Variants in RNF17 observed in about 807,000 individuals in gnomAD.
The protein encoded by RNF17 is spermatogenesis associated 23.
A neutral mutation model predicts 200.5 loss-of-function variants in RNF17; 31 were observed. The observed-to-expected ratio is 0.15, with a 90% CI of 0.12 to 0.21. The LOEUF (loss-of-function observed/expected upper bound fraction) is 0.21, where lower values mean the gene tolerates loss of function less well. RNF17 is among the 10% of genes least tolerant of loss of function. RNF17 has a pLI of 1.00. For missense variants in RNF17, 1,628 were observed against 1,905.1 expected, an observed-to-expected ratio of 0.85 and a Z score of 2.71; for synonymous variants, 606 against 637.8, an observed-to-expected ratio of 0.95 and a Z score of 0.75.
rs759684751 is a variant in RNF17, at chr13:24,861,386, C to T, written c.3893C>T (p.Pro1298Leu). 4 of 1,518,890 alleles carry T rather than the reference C, an allele frequency of 2.6e-6. No homozygotes were observed. The highest frequency in any genetic ancestry group is 1.3e-5 in the South Asian group (1 of 77,478). The allele number at this position is 1,518,890 out of a possible 1,614,324, so 94.1% of individuals were successfully genotyped here. ...CIPCQLHNTT[P>L]VGNVWQPDAI... ...CCTTGTCAGCTCCATAATACCACAC[C>T]TGTGAGTACATAATAATTTGTGGAA... The change falls in exon 27 of 36, where the codon CCT (proline) becomes CTT (leucine). Residue 1298 changes from proline to leucine, a missense_variant and splice_region_variant. Coordinates refer to ENST00000255324, the MANE Select transcript of RNF17 (RefSeq NM_031277.3).
intron 16 of RNF17, among the ~76,000 whole-genome samples, chr13:24,826,970 G>A (rs1281865902): frequency 6.6e-6 from 1 of 152,042 alleles, no homozygotes; most frequent in South Asian, 2.1e-4. Context: ...TGAGGCAGGA[G>A]AATCACTTGA....
chr13:24,851,038 A>T (rs1257263086), intron 23 of RNF17, among the ~76,000 whole-genome samples: 1 of 152,096 alleles, frequency 6.6e-6, no homozygotes, highest in Non-Finnish European at 1.5e-5. Flanking sequence ...CTTGTGGCCC[A>T]GGCTGGAGTG....
At chr13:24,856,368 C>G (rs1008409533) in intron 25 of RNF17, among the ~76,000 whole-genome samples, 2 of 136,282 alleles carry the variant, frequency 1.5e-5, no homozygotes, top group African/African-American at 5.5e-5. Context: ...TGCCGTGAGC[C>G]AAGATTGCGC....
downstream of RNF17, chr13:24,879,982 A>C (rs1953757936): frequency 6.6e-6 from 1 of 152,202 alleles, no homozygotes; most frequent in South Asian, 2.1e-4. Flanking sequence ...CATGAAAAAA[A>C]ATTTAGTTCA....
intron 18 of RNF17, among the ~76,000 whole-genome samples, chr13:24,836,129 G>A (rs187949871): frequency 6.6e-6 from 1 of 152,274 alleles, no homozygotes; most frequent in African/African-American, 2.4e-5. Flanking sequence ...TATGAACAAA[G>A]CCTCCAAGAA....
downstream of RNF17, among the ~76,000 whole-genome samples, chr13:24,881,077 G>A (rs1032890649): frequency 2.0e-4 from 30 of 151,894 alleles, no homozygotes; most frequent in African/African-American, 6.8e-4. Context: ...TCAGTTGTTT[G>A]TCTTCTAATT....
At chr13:24,791,319 T>G (rs1184057800) in intron 9 of RNF17, among the ~76,000 whole-genome samples, 1 of 152,014 alleles carries the variant, frequency 6.6e-6, no homozygotes, top group Admixed American at 6.6e-5. Flanking sequence ...TTAATAAAAC[T>G]CAGTAATGCT....
chr13:24,768,040 C>T (rs1295516298), intron 2 of RNF17, among the ~76,000 whole-genome samples: 4 of 152,158 alleles, frequency 2.6e-5, no homozygotes, highest in Admixed American at 6.5e-5. Flanking sequence ...CCCCCTGCCC[C>T]TCAACCTTTG....
At chr13:24,866,809 G>T (rs1893672997) in intron 30 of RNF17, among the ~76,000 whole-genome samples, 1 of 152,082 alleles carries the variant, frequency 6.6e-6, no homozygotes, top group Non-Finnish European at 1.5e-5. Flanking sequence ...TGAGTCTGTG[G>T]TAACTATGTT....
At chr13:24,857,731 G>A (rs1417069729) in intron 25 of RNF17, among the ~76,000 whole-genome samples, 1 of 152,056 alleles carries the variant, frequency 6.6e-6, no homozygotes, top group Non-Finnish European at 1.5e-5. Flanking sequence ...AGACCCCATC[G>A]CTACAAAACA....
At chr13:24,793,743 G>A (rs1423205029) in intron 10 of RNF17, among the ~76,000 whole-genome samples, 2 of 152,120 alleles carry the variant, frequency 1.3e-5, no homozygotes, top group African/African-American at 4.8e-5. Context: ...AAACTATCAT[G>A]ATTACAATGT....
At chr13:24,825,943 A>C (rs1888577594) in intron 16 of RNF17, 171 bp downstream of exon 16, 2 of 983,880 alleles carry the variant, frequency 2.0e-6, no homozygotes, top group Non-Finnish European at 2.4e-6. Context: ...CTATCTTCTG[A>C]TATTTTGTTT....
chr13:24,788,727 T>C (rs1883450109), intron 7 of RNF17, among the ~76,000 whole-genome samples: 1 of 152,168 alleles, frequency 6.6e-6, no homozygotes, highest in Non-Finnish European at 1.5e-5. Flanking sequence ...TTCTTATACT[T>C]TGACAGGACA....
intron 15 of RNF17, among the ~76,000 whole-genome samples, chr13:24,813,185 G>T (rs1028825616): frequency 1.3e-5 from 2 of 151,744 alleles, no homozygotes; most frequent in African/African-American, 2.4e-5. Context: ...TAAACACAGG[G>T]CTTCACTCTG....
intron 22 of RNF17, among the ~76,000 whole-genome samples, chr13:24,849,155 T>C (rs1891571838): frequency 6.6e-6 from 1 of 152,184 alleles, no homozygotes; most frequent in African/African-American, 2.4e-5. Context: ...TGAGGCCCTG[T>C]CTCTTAAAAA....
At chr13:24,807,467 A>C (rs1314217484) in intron 15 of RNF17, among the ~76,000 whole-genome samples, 1 of 152,182 alleles carries the variant, frequency 6.6e-6, no homozygotes, top group Non-Finnish European at 1.5e-5. Context: ...GTGTCTGTTC[A>C]TAGCCTTCGC....
intron 15 of RNF17, among the ~76,000 whole-genome samples, chr13:24,822,568 T>G (rs903032111): frequency 6.6e-6 from 1 of 151,856 alleles, no homozygotes; most frequent in African/African-American, 2.4e-5. Context: ...ATTACTTGCA[T>G]GCACCACCAC....
chr13:24,767,689 A>G (rs1057476499), intron 2 of RNF17, among the ~76,000 whole-genome samples: 1 of 150,254 alleles, frequency 6.7e-6, no homozygotes, highest in African/African-American at 2.4e-5. Context: ...TGGAGGCTGC[A>G]GTGAGCCAAG....
chr13:24,883,898 C>A (rs1280209972), downstream of RNF17: 17 of 1,606,918 alleles, frequency 1.1e-5, no homozygotes, highest in African/African-American at 1.3e-5. Context: ...GCTGGGGCAC[C>A]TTCTGAGCAC....
Sources: gnomAD v4.1 joint callset for allele counts (sites outside exome capture counted in the v4.1 genomes callset) on GRCh38, gnomAD v4.1.1 for gene constraint, MANE v1.5 for transcripts, NCBI Gene and HGNC (gene_info 2026-07-23, HGNC 2026-07-21) for gene names.